Variants in ARHGAP26 observed in about 807,000 individuals in gnomAD.
ARHGAP26 encodes Rho GTPase activating protein 26, also known as rho GTPase-activating protein 26.
ARHGAP26 carries 38 observed loss-of-function variants against 104.8 expected under a neutral mutation model. The observed-to-expected ratio is 0.36, with a 90% CI of 0.28 to 0.48. The LOEUF (loss-of-function observed/expected upper bound fraction) is 0.48, where lower values mean the gene tolerates loss of function less well. Ranked by LOEUF, ARHGAP26 falls within the 20% of genes least tolerant of loss-of-function variation. The pLI, the probability that ARHGAP26 is intolerant of heterozygous loss-of-function variation, is 0.99. For synonymous variants in ARHGAP26, 341 were observed against 340.0 expected, an observed-to-expected ratio of 1.00 and a Z score of -0.03; for missense variants, 704 against 947.9, an observed-to-expected ratio of 0.74 and a Z score of 3.38.
intron 1 of ARHGAP26, among the ~76,000 whole-genome samples, chr5:142,812,110 T>C (rs1764195612): frequency 6.6e-6 from 1 of 152,134 alleles, no homozygotes; most frequent in Non-Finnish European, 1.5e-5. Flanking sequence ...TCTACTGCCT[T>C]TTCCCCCCAG....
Position 142,891,339 on chromosome 5 carries a change from C to T in ARHGAP26, c.487-2899C>T, listed in dbSNP as rs1053254610. ...GAAAATGCCCCCAGTCTTAGCCTTT[C>T]AGATTGGTTTGATCCAGCAGTTACT... is the stretch of plus-strand genomic sequence containing the variant. On this transcript the variant is annotated intron_variant, in intron 5 of 22. Coordinates refer to ENST00000645722, the MANE Select transcript of ARHGAP26 (RefSeq NM_001135608.3). Among the ~76,000 whole-genome samples, 13 of 152,050 alleles carry T rather than the reference C, an allele frequency of 8.5e-5. 1 individual carries two copies. The highest frequency in any genetic ancestry group is 3.1e-4 in the African/African-American group (13 of 41,324).
rs369530726 is a variant in ARHGAP26, at chr5:142,908,169, G to A, written c.933+365G>A. On this transcript the variant is annotated intron_variant, in intron 9 of 22. Coordinates refer to ENST00000645722, the MANE Select transcript of ARHGAP26 (RefSeq NM_001135608.3). ...CTTGATACCTGGAGAGCTGCCAGTG[G>A]CAACATAGATGTCCTGGTTACCTAT... Among the ~76,000 whole-genome samples the A allele has an allele frequency of 5.3e-5, 8 of 152,292 alleles. No individual in the cohort carries two copies. The East Asian group carries it at 1.2e-3, about 22-fold the overall frequency.
At chr5:142,972,860 T>G (rs1772483478) in intron 11 of ARHGAP26, among the ~76,000 whole-genome samples, 1 of 151,788 alleles carries the variant, frequency 6.6e-6, no homozygotes, top group South Asian at 2.1e-4. Flanking sequence ...AAATTTGACC[T>G]TTATTCTTTT....
intron 17 of ARHGAP26, among the ~76,000 whole-genome samples, chr5:143,101,997 A>C (rs796225063): frequency 3.9e-5 from 6 of 152,236 alleles, no homozygotes; most frequent in African/African-American, 1.4e-4. Flanking sequence ...ACATGAAACA[A>C]TAGCCAGGAG....
In ARHGAP26 at chr5:143,225,222, C is replaced by G. The variant is rs147990085; in HGVS notation, c.*2776C>G. The stretch of plus-strand genomic sequence containing the variant: ...TTGTTTTTTGAGATGGAGTCTCACT[C>G]TGTGGCCCAGGCTGGAGTGCAGTGG... On this transcript the variant is annotated 3_prime_UTR_variant, in exon 23 of 23. Transcript: ENST00000645722. The G allele has an allele frequency of 3.6e-3, 684 of 190,364 alleles. 3 individuals are homozygous for G. Among genetic ancestry groups the G allele is most frequent in the African/African-American group, 0.015 (646 of 43,044 alleles). 11.8% of individuals were successfully genotyped at this position (190,364 alleles called of 1,614,324 possible).
chr5:143,134,173 G>T (rs1156544718), intron 19 of ARHGAP26, 68 bp downstream of exon 19: 6 of 1,482,930 alleles, frequency 4.0e-6, no homozygotes, highest in Non-Finnish European at 5.4e-6. Flanking sequence ...ACGGCTCAGG[G>T]TGGACACTTC....
chr5:142,986,375 T>C (rs960821587), intron 11 of ARHGAP26, among the ~76,000 whole-genome samples: 13 of 152,244 alleles, frequency 8.5e-5, no homozygotes, highest in Non-Finnish European at 1.6e-4. Context: ...TTCTTGTAAA[T>C]TTGTTTAAGT....
chr5:142,953,005 G>A (rs985314880), intron 11 of ARHGAP26, among the ~76,000 whole-genome samples: 4 of 152,074 alleles, frequency 2.6e-5, no homozygotes, highest in African/African-American at 7.2e-5. Flanking sequence ...CACAGCACCC[G>A]GCCCCAACTG....
chr5:143,183,086 A>AG (rs1224618109), intron 20 of ARHGAP26, among the ~76,000 whole-genome samples: 1 of 151,662 alleles, frequency 6.6e-6, no homozygotes, highest in Non-Finnish European at 1.5e-5. Context: ...AAAAAAAAAA[A>AG]AAAAAGAAAA....
intron 19 of ARHGAP26, among the ~76,000 whole-genome samples, chr5:143,140,277 T>A (rs151023472): frequency 6.6e-6 from 1 of 152,276 alleles, no homozygotes; most frequent in African/African-American, 2.4e-5. Context: ...TGAATCACTG[T>A]TGGAGTTTGG....
At chr5:143,123,948 A>T in intron 18 of ARHGAP26, among the ~76,000 whole-genome samples, 1 of 150,708 alleles carries the variant, frequency 6.6e-6, no homozygotes, top group East Asian at 1.9e-4. Flanking sequence ...ACTTGGCTTT[A>T]ATTTTCTGTA....
rs561200725 is a variant in ARHGAP26 at position 142,890,356 on chromosome 5, C to T, written c.487-3882C>T. On this transcript the variant is annotated intron_variant, in intron 5 of 22. Coordinates refer to ENST00000645722, the MANE Select transcript of ARHGAP26 (RefSeq NM_001135608.3). ...GGTGAAAAGGTTGTGGGAAAGAAAG[C>T]GGTTTGGAGTGTTAGAGGACAGGAA... Among the ~76,000 whole-genome samples the T allele has an allele frequency of 4.7e-5, 7 of 150,232 alleles. No homozygotes were observed. The South Asian group carries it at 1.3e-3, about 27-fold the overall frequency.
intron 1 of ARHGAP26, among the ~76,000 whole-genome samples, chr5:142,792,526 T>C (rs1348949293): frequency 6.6e-6 from 1 of 152,214 alleles, no homozygotes; most frequent in Admixed American, 6.5e-5. Flanking sequence ...ACTAGAGACT[T>C]ATTGACCCAC....
chr5:143,120,489 C>T (rs541271616), intron 17 of ARHGAP26, among the ~76,000 whole-genome samples: 1 of 152,264 alleles, frequency 6.6e-6, no homozygotes, highest in African/African-American at 2.4e-5. Context: ...TGCTGAATTT[C>T]CTTACTTGGT....
At position 143,167,406 on chromosome 5, in the gene ARHGAP26, C is replaced by CG. The variant is rs1173846112; in HGVS notation, c.1988+20032dup. ...CTGAGACATGAGAATCACTTGAACC[C>CG]GGGGGGGAAGAGGTTACAGTGAGCT... On this transcript the variant is annotated intron_variant, in intron 20 of 22. Transcript: ENST00000645722. 2.2e-4 allele frequency among the ~76,000 whole-genome samples: 30 copies of CG among 137,340 alleles called. 1 individual carries two copies. Among genetic ancestry groups the CG allele is most frequent in the Admixed American group, 9.3e-4 (12 of 12,914 alleles). The allele number at this position is 137,340 out of a possible 152,430, so 90.1% of individuals were successfully genotyped here.
chr5:142,814,830 C>T (rs376495796), intron 1 of ARHGAP26, among the ~76,000 whole-genome samples: 1 of 152,178 alleles, frequency 6.6e-6, no homozygotes, highest in African/African-American at 2.4e-5. Flanking sequence ...GTTGTTGTGA[C>T]AATCAGATGA....
chr5:143,225,166 A>G lies in ARHGAP26; in HGVS notation c.*2720A>G. On this transcript the variant is annotated 3_prime_UTR_variant, in exon 23 of 23. Coordinates refer to ENST00000645722, the MANE Select transcript of ARHGAP26 (RefSeq NM_001135608.3). Reference sequence around the variant, plus strand: ...GAGACCAACATCATGCTTTTAACACATTTGATGAGGTTTTTTATTTGTGTT... The same window carrying G: ...GAGACCAACATCATGCTTTTAACACGTTTGATGAGGTTTTTTATTTGTGTT... 1 of 209,920 alleles carries G rather than the reference A, an allele frequency of 4.8e-6. No homozygotes were observed. The highest frequency in any genetic ancestry group is 2.3e-5 in the African/African-American group (1 of 44,060). The allele number at this position is 209,920 out of a possible 1,614,324, so 13.0% of individuals were successfully genotyped here.
rs1213829063 is a variant in ARHGAP26 at position 143,228,979 on chromosome 5, G to C, written c.*6533G>C. On this transcript the variant is annotated 3_prime_UTR_variant, in exon 23 of 23. Transcript: ENST00000645722. ...TGAAATGAGTGGACGTATGATTTTTGAATTAAATGACTTTTCCATTTGGTG... is the reference window on the plus strand; with the variant it reads ...TGAAATGAGTGGACGTATGATTTTTCAATTAAATGACTTTTCCATTTGGTG... 2.7e-5 allele frequency: 5 copies of C among 182,408 alleles called. No individual in the cohort carries two copies. Among genetic ancestry groups the C allele is most frequent in the Non-Finnish European group, 3.5e-5 (3 of 85,686 alleles). 11.3% of individuals were successfully genotyped at this position (182,408 alleles called of 1,614,324 possible). A position where few individuals can be genotyped will look rare whatever the true frequency, so the allele number is the denominator to read the frequency against.
intron 20 of ARHGAP26, among the ~76,000 whole-genome samples, chr5:143,184,303 C>G (rs1404133766): frequency 5.9e-5 from 9 of 152,160 alleles, no homozygotes; most frequent in Non-Finnish European, 1.5e-5. Context: ...CAGGCCTCCC[C>G]CTAACCTGAA....
Sources: allele counts gnomAD v4.1 joint callset (sites outside exome capture counted in the v4.1 genomes callset), GRCh38; gene constraint gnomAD v4.1.1; transcripts MANE v1.5; gene names NCBI Gene and HGNC (gene_info 2026-07-23, HGNC 2026-07-21).